The following LRRC4C variants were observed in gnomAD, a reference collection of about 807,000 sequenced individuals.
LRRC4C encodes leucine rich repeat containing 4C.
In LRRC4C, 5 loss-of-function variants were observed where a neutral mutation model predicts 33.6. That is an observed-to-expected ratio of 0.15 (90% CI 0.08 to 0.31). The LOEUF is 0.31. Among genes scored for constraint, LRRC4C ranks in the 10% least tolerant of loss-of-function variants. The pLI, the probability that LRRC4C is intolerant of heterozygous loss-of-function variation, is 1.00. For synonymous variants in LRRC4C, 329 were observed against 302.0 expected, an observed-to-expected ratio of 1.09 and a Z score of -0.93; for missense variants, 560 against 796.7, an observed-to-expected ratio of 0.70 and a Z score of 3.58.
At position 41,272,627 on chromosome 11, in the gene LRRC4C, A is replaced by G. The variant is rs140044331; in HGVS notation, c.-496+186804T>C. 5.3e-4 allele frequency among the ~76,000 whole-genome samples: 81 copies of G among 152,282 alleles called. 1 individual carries two copies. The East Asian group carries it at 0.013, about 25-fold the overall frequency. ...AACACATATATTATTCATAGCACGT[A>G]TTAAAAAAACTGCTTAATACCGAAG... On this transcript the variant is annotated intron_variant, in intron 1 of 6. Transcript: ENST00000528697.
At chr11:40,901,030 T>C (rs934864531) in intron 2 of LRRC4C, among the ~76,000 whole-genome samples, 13 of 152,146 alleles carry the variant, frequency 8.5e-5, no homozygotes, top group Admixed American at 7.9e-4. Flanking sequence ...TGTTGCTTTG[T>C]ATGAGGACGT....
intron 1 of LRRC4C, among the ~76,000 whole-genome samples, chr11:41,059,584 T>C (rs1188669523): frequency 2.6e-5 from 4 of 152,216 alleles, no homozygotes; most frequent in Non-Finnish European, 4.4e-5. Flanking sequence ...ACTGTTTTAA[T>C]GTTTTTCTTT....
At chr11:41,200,266 A>G (rs143176413) in intron 1 of LRRC4C, among the ~76,000 whole-genome samples, 223 of 152,240 alleles carry the variant, frequency 1.5e-3, no homozygotes, top group Middle Eastern at 6.8e-3. Flanking sequence ...CTTTTTTGAC[A>G]AAGGACTATA....
intron 3 of LRRC4C, among the ~76,000 whole-genome samples, chr11:40,504,857 C>G (rs58155451): frequency 0.064 from 9,806 of 152,092 alleles, 823 homozygotes; most frequent in African/African-American, 0.2. Context: ...CTGGCTCTGT[C>G]TTAGATCATA....
At chr11:40,606,744 G>A (rs1228947226) in intron 3 of LRRC4C, among the ~76,000 whole-genome samples, 1 of 152,080 alleles carries the variant, frequency 6.6e-6, no homozygotes, top group African/African-American at 2.4e-5. Flanking sequence ...ACTTATTTGT[G>A]GGGGTCCTAT....
intron 1 of LRRC4C, among the ~76,000 whole-genome samples, chr11:41,231,332 C>T (rs558959946): frequency 5.0e-4 from 76 of 152,108 alleles, no homozygotes; most frequent in African/African-American, 1.7e-3. Flanking sequence ...TTTATTGAGG[C>T]ACTATTCACA....
At chr11:40,759,532 GC>G (rs1949101261) in intron 2 of LRRC4C, among the ~76,000 whole-genome samples, 1 of 151,858 alleles carries the variant, frequency 6.6e-6, no homozygotes, top group Non-Finnish European at 1.5e-5. Flanking sequence ...TTAGGTTGGT[GC>G]AAAAGTAATT....
intron 2 of LRRC4C, among the ~76,000 whole-genome samples, chr11:40,693,672 G>C (rs1465926076): frequency 6.6e-6 from 1 of 152,088 alleles, no homozygotes; most frequent in Non-Finnish European, 1.5e-5. Flanking sequence ...TTATTGAAAA[G>C]AGTTATTTTG....
At chr11:41,217,115 T>C (rs1477288308) in intron 1 of LRRC4C, among the ~76,000 whole-genome samples, 1 of 152,210 alleles carries the variant, frequency 6.6e-6, no homozygotes, top group African/African-American at 2.4e-5. Flanking sequence ...ATGATTTATA[T>C]GGACAGTGAG....
intron 3 of LRRC4C, among the ~76,000 whole-genome samples, chr11:40,476,381 T>G (rs1953233605): frequency 7.0e-6 from 1 of 141,934 alleles, no homozygotes; most frequent in Non-Finnish European, 1.5e-5. Context: ...AGTCTCACTT[T>G]GTTGCCCAGG....
intron 5 of LRRC4C, among the ~76,000 whole-genome samples, chr11:40,171,756 G>C (rs370557999): frequency 6.6e-6 from 1 of 152,236 alleles, no homozygotes; most frequent in South Asian, 2.1e-4. Context: ...GTTGCTATTC[G>C]TTATAGTATA....
chr11:40,927,891 C>T (rs906319566), intron 2 of LRRC4C, among the ~76,000 whole-genome samples: 5 of 152,086 alleles, frequency 3.3e-5, no homozygotes, highest in African/African-American at 9.7e-5. Flanking sequence ...CAGACTACCA[C>T]GTATTCATTT....
At chr11:40,618,562 A>G (rs1228280760) in intron 3 of LRRC4C, among the ~76,000 whole-genome samples, 5 of 151,794 alleles carry the variant, frequency 3.3e-5, no homozygotes, top group Non-Finnish European at 5.9e-5. Flanking sequence ...TTGATGGTGC[A>G]TGGGAAAACT....
At chr11:41,161,644 T>A (rs1590797293) in intron 1 of LRRC4C, among the ~76,000 whole-genome samples, 1 of 152,224 alleles carries the variant, frequency 6.6e-6, no homozygotes, top group African/African-American at 2.4e-5. Flanking sequence ...AAATCCTGAG[T>A]CAAAAACTGA....
intron 2 of LRRC4C, among the ~76,000 whole-genome samples, chr11:40,649,309 T>TC (rs1038392680): frequency 3.3e-5 from 5 of 151,818 alleles, no homozygotes; most frequent in Admixed American, 3.3e-4. Flanking sequence ...TTTATAGACC[T>TC]CCCCCCAAGA....
chr11:40,741,118 T>C (rs147739321), intron 2 of LRRC4C, among the ~76,000 whole-genome samples: 8 of 151,998 alleles, frequency 5.3e-5, no homozygotes, highest in African/African-American at 1.9e-4. Flanking sequence ...GCTGATAAAA[T>C]AAGGTAAGGA....
intron 1 of LRRC4C, among the ~76,000 whole-genome samples, chr11:41,399,902 T>C (rs1953961821): frequency 6.6e-6 from 1 of 151,920 alleles, no homozygotes; most frequent in East Asian, 1.9e-4. Context: ...GAGTTTATAC[T>C]GACAAATAAG....
At chr11:41,389,493 C>A (rs1482134339) in intron 1 of LRRC4C, among the ~76,000 whole-genome samples, 1 of 151,620 alleles carries the variant, frequency 6.6e-6, no homozygotes, top group Non-Finnish European at 1.5e-5. Flanking sequence ...CAAGAGATAT[C>A]ATGAGGTCAC....
intron 2 of LRRC4C, among the ~76,000 whole-genome samples, chr11:40,648,644 G>T (rs914758889): frequency 6.6e-6 from 1 of 152,166 alleles, no homozygotes; most frequent in African/African-American, 2.4e-5. Flanking sequence ...GTTACCATGG[G>T]CCTGGGCTAT....
Sources: gnomAD v4.1 joint callset for allele counts (sites outside exome capture counted in the v4.1 genomes callset) on GRCh38, gnomAD v4.1.1 for gene constraint, MANE v1.5 for transcripts, NCBI Gene and HGNC (gene_info 2026-07-23, HGNC 2026-07-21) for gene names.